The following GOLM1 variants were observed in gnomAD, a reference collection of about 807,000 sequenced individuals.
The protein encoded by GOLM1 is epididymis luminal protein 46.
In GOLM1, 31 loss-of-function variants were observed where a neutral mutation model predicts 50.5. That is an observed-to-expected ratio of 0.61 (90% CI 0.46 to 0.83). GOLM1 has a LOEUF of 0.83. Ranked by LOEUF, GOLM1 falls within the 40% of genes least tolerant of loss-of-function variation. The pLI, the probability that GOLM1 is intolerant of heterozygous loss-of-function variation, is 0.00. For synonymous variants in GOLM1, 178 were observed against 192.8 expected (o/e 0.92, Z 0.64); for missense variants, 491 against 501.3 (o/e 0.98, Z 0.20).
Position 86,040,754 on chromosome 9 carries a change from G to A in GOLM1, c.582C>T (p.Asn194=), listed in dbSNP as rs779822821. The part of the protein sequence containing the change: ...AVASRDLSEN[N]DQRQQLQALS... ...CCCCAGTTACCTGCTGTCTCTGGTC[G>A]TTGTTTTCACTCAGGTCTCTGGAAG... The change falls in exon 6 of 10, where the codon AAC becomes AAT. Residue 194 remains asparagine, a synonymous_variant. Transcript: ENST00000388712. 35 of 1,613,146 alleles carry A rather than the reference G, an allele frequency of 2.2e-5. No homozygotes were observed. The highest frequency in any genetic ancestry group is 2.5e-5 in the Non-Finnish European group (30 of 1,179,730).
intron 1 of GOLM1, among the ~76,000 whole-genome samples, chr9:86,090,581 C>T (rs984808288): frequency 6.6e-6 from 1 of 152,098 alleles, no homozygotes; most frequent in Non-Finnish European, 1.5e-5. Flanking sequence ...GCGGATGCCC[C>T]TCCCCTCTAC....
chr9:86,052,048 A>T (rs867076536), intron 4 of GOLM1, among the ~76,000 whole-genome samples: 4 of 152,076 alleles, frequency 2.6e-5, no homozygotes, highest in African/African-American at 9.7e-5. Flanking sequence ...GGAGCCCCCG[A>T]CAAAGGACAG....
chr9:86,031,720 C>T (rs1331169880), intron 9 of GOLM1, among the ~76,000 whole-genome samples: 1 of 151,694 alleles, frequency 6.6e-6, no homozygotes, highest in Non-Finnish European at 1.5e-5. Flanking sequence ...CCTCGGCCTC[C>T]CAAAGTGCTG....
chr9:86,065,084 C>G (rs1413770677), intron 3 of GOLM1, among the ~76,000 whole-genome samples: 1 of 152,228 alleles, frequency 6.6e-6, no homozygotes, highest in Non-Finnish European at 1.5e-5. Context: ...ACGCTGGGCA[C>G]AGGGGCAGGT....
At chr9:86,074,762 G>A (rs143936472) in intron 3 of GOLM1, among the ~76,000 whole-genome samples, 460 of 152,300 alleles carry the variant, frequency 3.0e-3, no homozygotes, top group Middle Eastern at 6.8e-3. Flanking sequence ...ACAGGCTCAG[G>A]AAACGTTCAC....
At chr9:86,051,707 C>T (rs979258809) in intron 4 of GOLM1, among the ~76,000 whole-genome samples, 8 of 152,064 alleles carry the variant, frequency 5.3e-5, no homozygotes, top group South Asian at 4.2e-4. Context: ...CTATCAAAAC[C>T]GCTGTCAAAC....
intron 9 of GOLM1, among the ~76,000 whole-genome samples, chr9:86,028,275 G>C (rs1451088945): frequency 6.6e-6 from 1 of 152,212 alleles, no homozygotes; most frequent in African/African-American, 2.4e-5. Context: ...ACACACACAA[G>C]CGGCTGGACG....
At chr9:86,063,033 G>A (rs2118792736) in intron 3 of GOLM1, among the ~76,000 whole-genome samples, 1 of 152,300 alleles carries the variant, frequency 6.6e-6, no homozygotes, top group South Asian at 2.1e-4. Flanking sequence ...CACCCAAGCT[G>A]CCCCTCAGCT....
At chr9:86,040,071 C>A (rs1300112253) in intron 6 of GOLM1, among the ~76,000 whole-genome samples, 2 of 151,834 alleles carry the variant, frequency 1.3e-5, no homozygotes, top group East Asian at 3.9e-4. Context: ...AGTACATTAG[C>A]AGTTGGCTGT....
chr9:86,061,575 AC>A (rs1184071327), intron 3 of GOLM1, among the ~76,000 whole-genome samples: 2 of 152,188 alleles, frequency 1.3e-5, no homozygotes, highest in Non-Finnish European at 2.9e-5. Flanking sequence ...AAGACCTGAG[AC>A]TGTGGCATCC....
At chr9:86,095,271 C>T (rs1835323238) in intron 1 of GOLM1, among the ~76,000 whole-genome samples, 1 of 151,930 alleles carries the variant, frequency 6.6e-6, no homozygotes, top group South Asian at 2.1e-4. Context: ...CTTTGTCACC[C>T]AGGCTGGAGT....
chr9:86,031,485 G>A (rs1218004675), intron 9 of GOLM1, among the ~76,000 whole-genome samples: 1 of 133,590 alleles, frequency 7.5e-6, no homozygotes, highest in Admixed American at 8.0e-5. Context: ...CCCCGAGACG[G>A]AGTTTCACTC....
At chr9:86,081,710 T>G (rs1209710467) in intron 1 of GOLM1, among the ~76,000 whole-genome samples, 1 of 151,448 alleles carries the variant, frequency 6.6e-6, no homozygotes, top group East Asian at 2.0e-4. Context: ...GCCAACGTGG[T>G]GAAACTCCAT....
chr9:86,056,614 C>T (rs180797894), intron 3 of GOLM1, among the ~76,000 whole-genome samples: 2,793 of 151,702 alleles, frequency 0.018, 27 homozygotes, highest in Non-Finnish European at 0.02. Flanking sequence ...CAAGCAATTC[C>T]CCTGCCTCAG....
chr9:86,053,661 C>A (rs57721769), intron 3 of GOLM1, among the ~76,000 whole-genome samples: 1 of 38,286 alleles, frequency 2.6e-5, no homozygotes, highest in Non-Finnish European at 4.2e-5. Flanking sequence ...TGCTACACCA[C>A]TCCACACACG....
At position 86,033,933 on chromosome 9, in the gene GOLM1, T is replaced by G. The variant is rs571773855; in HGVS notation, c.1016-538A>C. On this transcript the variant is annotated intron_variant, in intron 8 of 9. Transcript: ENST00000388712. ...TACTCAAAGGGTTTAACTTACATAT[T>G]TTATATGTGTATGCAGGCTGGTAAA... 5.5e-4 allele frequency among the ~76,000 whole-genome samples: 83 copies of G among 152,236 alleles called. 1 individual carries two copies. The highest frequency in any genetic ancestry group is 1.0e-4 in the Non-Finnish European group (7 of 68,016).
chr9:86,083,782 C>G (rs531182440), intron 1 of GOLM1, among the ~76,000 whole-genome samples: 2 of 152,332 alleles, frequency 1.3e-5, no homozygotes, highest in East Asian at 3.9e-4. Flanking sequence ...TGTGTACAGT[C>G]CCTTATTCAC....
intron 4 of GOLM1, among the ~76,000 whole-genome samples, chr9:86,050,206 G>A (rs1046147000): frequency 5.9e-5 from 9 of 152,148 alleles, no homozygotes; most frequent in Non-Finnish European, 1.2e-4. Flanking sequence ...TTGCATCCCC[G>A]GGATGAAGGC....
At chr9:86,098,897 G>A (rs1231366803) in intron 1 of GOLM1, among the ~76,000 whole-genome samples, 1 of 152,144 alleles carries the variant, frequency 6.6e-6, no homozygotes, top group African/African-American at 2.4e-5. Context: ...GAGGCCCAGC[G>A]GCAACGTGGA....
Sources: gnomAD v4.1 joint callset for allele counts (sites outside exome capture counted in the v4.1 genomes callset) on GRCh38, gnomAD v4.1.1 for gene constraint, MANE v1.5 for transcripts, NCBI Gene and HGNC (gene_info 2026-07-23, HGNC 2026-07-21) for gene names.